The following CAPN2 variants were observed in gnomAD, a reference collection of about 807,000 sequenced individuals.
CAPN2 encodes the protein calpain-2 catalytic subunit.
Under a neutral mutation model 102.3 loss-of-function variants are expected in CAPN2, and 92 were observed. The observed-to-expected ratio is 0.90, with a 90% CI of 0.76 to 1.07. The LOEUF (loss-of-function observed/expected upper bound fraction) is 1.07, where lower values mean the gene tolerates loss of function less well. Ranked by LOEUF, CAPN2 falls within the 50% of genes least tolerant of loss-of-function variation. The probability of loss-of-function intolerance (pLI) is 0.00; values close to 1 mark genes in which losing one functional copy is unlikely to be tolerated. For missense variants in CAPN2, 800 were observed against 909.4 expected, an observed-to-expected ratio of 0.88 and a Z score of 1.55; for synonymous variants, 340 against 355.4, an observed-to-expected ratio of 0.96 and a Z score of 0.49.
intron 14 of CAPN2, among the ~76,000 whole-genome samples, chr1:223,763,269 G>T (rs948606145): frequency 6.6e-6 from 1 of 151,246 alleles, no homozygotes; most frequent in Non-Finnish European, 1.5e-5. Context: ...GAGCTCATCT[G>T]GTACTCCCTT....
chr1:223,728,635 G>A (rs961315028), intron 2 of CAPN2, among the ~76,000 whole-genome samples: 2 of 152,200 alleles, frequency 1.3e-5, no homozygotes, highest in African/African-American at 2.4e-5. Context: ...AAGACACCAC[G>A]ATTCCTCCCC....
intron 8 of CAPN2, 56 bp downstream of exon 8, chr1:223,752,127 G>A: frequency 8.3e-7 from 1 of 1,206,178 alleles, no homozygotes; most frequent in Non-Finnish European, 1.2e-6. Flanking sequence ...TTCTTTACTA[G>A]AAAACTGCTA....
chr1:223,719,805 CGT>C (rs10556130), intron 2 of CAPN2, among the ~76,000 whole-genome samples: 95,005 of 143,552 alleles, frequency 0.66, 30,652 homozygotes, highest in Middle Eastern at 0.76. Flanking sequence ...GGGGTGTGTG[CGT>C]GTGTGTGTGT....
At chr1:223,735,285 T>G (rs1660424786) in intron 2 of CAPN2, among the ~76,000 whole-genome samples, 1 of 152,168 alleles carries the variant, frequency 6.6e-6, no homozygotes, top group Admixed American at 6.5e-5. Flanking sequence ...CCCAGCTCTT[T>G]GGGTGGCCAA....
intron 6 of CAPN2, 115 bp from the exon 7 acceptor site, chr1:223,750,775 C>G: frequency 1.1e-6 from 1 of 925,276 alleles, no homozygotes; most frequent in Non-Finnish European, 1.7e-6. Flanking sequence ...AAATCCTCCC[C>G]ACCGTCCTCA....
upstream of CAPN2, chr1:223,712,525 G>T: frequency 8.1e-7 from 1 of 1,227,788 alleles, no homozygotes; most frequent in East Asian, 3.5e-5. Context: ...ATCGCTCGCA[G>T]CGGCGGCGCC....
rs552650859 is a variant in CAPN2 at position 223,745,366 on chromosome 1, G to A, written c.487G>A (p.Gly163Arg). 89 of 1,614,180 alleles carry A rather than the reference G, an allele frequency of 5.5e-5. No individual in the cohort carries two copies. In the South Asian group the frequency reaches 6.8e-4, roughly 12 times the overall value. Residue 163 changes from glycine (G) to arginine (R), a missense_variant, in exon 4 of 21, where the codon GGG becomes AGG. Physicochemically the swap from Gly to Arg is moderately radical, Grantham distance 125. Coordinates refer to ENST00000295006, the MANE Select transcript of CAPN2 (RefSeq NM_001748.5). ...GGATGACAGGCTGCCCACCAAGGAC[G>A]GGGAGCTGCTCTTTGTGCATTCAGC... ...VVDDRLPTKD[G>R]ELLFVHSAEG... is the part of the protein sequence containing the mutation.
At chr1:223,750,059 A>G (rs1360262689) in intron 6 of CAPN2, among the ~76,000 whole-genome samples, 1 of 152,192 alleles carries the variant, frequency 6.6e-6, no homozygotes, top group Non-Finnish European at 1.5e-5. Context: ...TACAGAACCC[A>G]GTCTAGACCG....
chr1:223,760,641 G>T (rs1661161251), intron 12 of CAPN2, among the ~76,000 whole-genome samples: 1 of 152,068 alleles, frequency 6.6e-6, no homozygotes, highest in Non-Finnish European at 1.5e-5. Flanking sequence ...AGCATGACCT[G>T]GTGGCATTAG....
At chr1:223,747,228 AG>A (rs1660772151) in intron 5 of CAPN2, 63 bp downstream of exon 5, 1 of 1,498,630 alleles carries the variant, frequency 6.7e-7, no homozygotes, top group South Asian at 1.3e-5. Flanking sequence ...AGGCTCCCAC[AG>A]TGCCCAAGGG....
At chr1:223,702,000 C>CA (rs1352066565) in intron 1 of CAPN2, among the ~76,000 whole-genome samples, 526 of 38,550 alleles carry the variant, frequency 0.014, 16 homozygotes, top group African/African-American at 0.047. Flanking sequence ...GACTCCGTCT[C>CA]AAAAAAAAAA....
At chr1:223,717,656 G>A in intron 1 of CAPN2, 106 bp from the exon 2 acceptor site, 1 of 837,802 alleles carries the variant, frequency 1.2e-6, no homozygotes, top group South Asian at 1.4e-5. Flanking sequence ...CCAGAGGGGA[G>A]GGGAAGGGGA....
At chr1:223,738,976 G>C (rs941961019) in intron 2 of CAPN2, among the ~76,000 whole-genome samples, 1 of 152,104 alleles carries the variant, frequency 6.6e-6, no homozygotes, top group Non-Finnish European at 1.5e-5. Flanking sequence ...CTGGGCCCCC[G>C]GTGAGATACC....
chr1:223,710,072 C>T (rs551973965), upstream of CAPN2, among the ~76,000 whole-genome samples: 6 of 152,098 alleles, frequency 3.9e-5, no homozygotes, highest in South Asian at 2.1e-4. Flanking sequence ...GTCAGGAATT[C>T]GAGACCAGCC....
At position 223,756,238 on chromosome 1, in the gene CAPN2, G is replaced by T. The variant is rs2102806772; in HGVS notation, c.1305+589G>T. 6.6e-6 allele frequency among the ~76,000 whole-genome samples: 1 copy of T among 152,348 alleles called. No individual in the cohort carries two copies. Among genetic ancestry groups the T allele is most frequent in the African/African-American group, 2.4e-5 (1 of 41,586 alleles). On this transcript the variant is annotated intron_variant, in intron 10 of 20. Transcript: ENST00000295006. The surrounding 1 kb of genome is among the most constrained non-coding windows in gnomAD (Gnocchi z 4.1). Reference sequence around the variant, plus strand: ...GCAGTCTCCTCTCCGCCCTCAGGCTGGGGCTGGGGCACTGAGAACTCACCC... The same window carrying T: ...GCAGTCTCCTCTCCGCCCTCAGGCTTGGGCTGGGGCACTGAGAACTCACCC...
At chr1:223,702,419 C>T (rs1428636515) in intron 1 of CAPN2, among the ~76,000 whole-genome samples, 1 of 149,682 alleles carries the variant, frequency 6.7e-6, no homozygotes, top group Non-Finnish European at 1.5e-5. Context: ...AGAGTGAGAC[C>T]CTGTCTAAAA....
upstream of CAPN2, among the ~76,000 whole-genome samples, chr1:223,708,637 G>A (rs376678931): frequency 9.2e-5 from 14 of 151,764 alleles, no homozygotes; most frequent in East Asian, 5.8e-4. Context: ...TGCACATGGC[G>A]GCTGGTACCT....
In CAPN2 at chr1:223,712,724, CA is replaced by C. The variant is rs1659767224; in HGVS notation, c.86del (p.Asn29ThrfsTer88). ...CCCACGACAGGGCCATCAAGTACCT[CA>C]ACCAGGACTACGAGGCGCTGCGGAA... The part of the protein sequence containing the change: ...GSHDRAIKYL[N>X]QDYEALRNEC... On this transcript the variant is annotated frameshift_variant, in exon 1 of 21. Transcript: ENST00000295006. LOFTEE classifies it high-confidence loss of function. 1 of 1,587,000 alleles carries C rather than the reference CA, an allele frequency of 6.3e-7. No homozygotes were observed. Among genetic ancestry groups the C allele is most frequent in the Non-Finnish European group, 8.6e-7 (1 of 1,168,800 alleles).
Position 223,747,067 on chromosome 1 carries a change from A to ATT in CAPN2, c.632_633dup (p.Ala212LeufsTer7). The ATT allele has an allele frequency of 6.2e-7, 1 of 1,614,138 alleles. No individual in the cohort carries two copies. The highest frequency in any genetic ancestry group is 1.1e-5 in the South Asian group (1 of 91,082). On this transcript the variant is annotated frameshift_variant, in exon 5 of 21. Coordinates refer to ENST00000295006, the MANE Select transcript of CAPN2 (RefSeq NM_001748.5). LOFTEE classifies it high-confidence loss of function. ...GGGCTTCGAAGACTTCACCGGAGGCATTGCTGAGTGGTATGAGTTGAAGAA... is the reference window on the plus strand; with the variant it reads ...GGGCTTCGAAGACTTCACCGGAGGCATTTTGCTGAGTGGTATGAGTTGAAGAA...
Sources: gnomAD v4.1 joint callset for allele counts (sites outside exome capture counted in the v4.1 genomes callset) on GRCh38, gnomAD v4.1.1 for gene constraint, Gnocchi (gnomAD v3.1) non-coding constraint, MANE v1.5 for transcripts, NCBI Gene and HGNC (gene_info 2026-07-23, HGNC 2026-07-21) for gene names.